HAPLN1: variants seen among roughly 807,000 people sequenced by gnomAD.
HAPLN1 encodes hyaluronan and proteoglycan link protein 1.
Under a neutral mutation model 36.5 loss-of-function variants are expected in HAPLN1, and 13 were observed. That is an observed-to-expected ratio of 0.36 (90% CI 0.23 to 0.57). HAPLN1 has a LOEUF of 0.57. Ranked by LOEUF, HAPLN1 falls within the 20% of genes least tolerant of loss-of-function variation. The pLI is 0.83. For missense variants in HAPLN1, 407 were observed against 439.7 expected (o/e 0.93, Z 0.66); for synonymous variants, 202 against 169.8 (o/e 1.19, Z -1.48).
chr5:83,698,081 A>T (rs992637202), intron 1 of HAPLN1, among the ~76,000 whole-genome samples: 1 of 152,158 alleles, frequency 6.6e-6, no homozygotes, highest in African/African-American at 2.4e-5. Context: ...CTAGGAAACC[A>T]CTGCTTAATC....
In HAPLN1 at chr5:83,640,274, A is replaced by G. The variant is rs1204912384; in HGVS notation, c.*1222T>C. 3 of 152,152 alleles carry G rather than the reference A, an allele frequency of 2.0e-5. No homozygotes were observed. Among genetic ancestry groups the G allele is most frequent in the African/African-American group, 7.2e-5 (3 of 41,444 alleles). The allele number at this position is 152,152 out of a possible 1,614,324, so 9.4% of individuals were successfully genotyped here. On this transcript the variant is annotated 3_prime_UTR_variant, in exon 5 of 5. Transcript: ENST00000274341. ...GGAAGCTGGACTTAACCTTTTATTT[A>G]AAGCCCTGAAGATTTTAGTGTAAAC... is the stretch of plus-strand genomic sequence containing the variant.
At chr5:83,685,849 A>C (rs1193979690) in intron 1 of HAPLN1, 1 of 152,126 alleles carries the variant, frequency 6.6e-6, no homozygotes, top group Non-Finnish European at 1.5e-5. Context: ...CCTCAATCTG[A>C]ACTTGTCAAG....
At chr5:83,684,783 T>G (rs987214811) in intron 1 of HAPLN1, among the ~76,000 whole-genome samples, 4 of 152,132 alleles carry the variant, frequency 2.6e-5, no homozygotes, top group Non-Finnish European at 4.4e-5. Flanking sequence ...CAATCAGGCA[T>G]TCCAACCAGT....
At chr5:83,692,911 G>C (rs1168745029) in intron 1 of HAPLN1, among the ~76,000 whole-genome samples, 1 of 151,854 alleles carries the variant, frequency 6.6e-6, no homozygotes. Flanking sequence ...TACTTTACAT[G>C]AAGTATAGTA....
chr5:83,655,853 T>C (rs1420314719), intron 2 of HAPLN1, among the ~76,000 whole-genome samples: 3 of 151,822 alleles, frequency 2.0e-5, no homozygotes, highest in African/African-American at 7.3e-5. Context: ...CAGGTTGTCG[T>C]CACAGAGACC....
At chr5:83,700,961 C>A (rs1224706874) in intron 1 of HAPLN1, among the ~76,000 whole-genome samples, 4 of 152,164 alleles carry the variant, frequency 2.6e-5, no homozygotes, top group Non-Finnish European at 5.9e-5. Context: ...TAAAAGGAGA[C>A]CTTCCCAGTG....
intron 2 of HAPLN1, among the ~76,000 whole-genome samples, chr5:83,657,223 G>T (rs1045023170): frequency 6.6e-6 from 1 of 151,762 alleles, no homozygotes; most frequent in South Asian, 2.1e-4. Flanking sequence ...AGCCTCCCGA[G>T]TAGCTGGGTT....
At chr5:83,680,652 T>A (rs1158684433) in intron 1 of HAPLN1, among the ~76,000 whole-genome samples, 1 of 152,156 alleles carries the variant, frequency 6.6e-6, no homozygotes, top group African/African-American at 2.4e-5. Flanking sequence ...GAAATAAACG[T>A]CTTATCTTCC....
chr5:83,684,341 C>A (rs1239116717), intron 1 of HAPLN1, among the ~76,000 whole-genome samples: 3 of 152,006 alleles, frequency 2.0e-5, no homozygotes, highest in Non-Finnish European at 2.9e-5. Context: ...AGCAGGTACC[C>A]TCAAGATAGG....
chr5:83,711,780 A>G (rs1751790200), intron 1 of HAPLN1, among the ~76,000 whole-genome samples: 1 of 152,084 alleles, frequency 6.6e-6, no homozygotes, highest in Admixed American at 6.6e-5. Flanking sequence ...AACACATTTT[A>G]TTGTCTTGAT....
At chr5:83,654,659 T>A (rs899971292) in intron 2 of HAPLN1, among the ~76,000 whole-genome samples, 5 of 152,202 alleles carry the variant, frequency 3.3e-5, no homozygotes, top group Admixed American at 1.3e-4. Context: ...TGAAACATAG[T>A]TTAGATATGA....
intron 1 of HAPLN1, among the ~76,000 whole-genome samples, chr5:83,701,620 C>T (rs529407913): frequency 6.6e-6 from 1 of 152,302 alleles, no homozygotes; most frequent in East Asian, 1.9e-4. Flanking sequence ...GACATTTTAA[C>T]AGTTGATTAT....
chr5:83,674,761 T>C (rs1201527445), intron 1 of HAPLN1: 1 of 152,248 alleles, frequency 6.6e-6, no homozygotes, highest in Non-Finnish European at 1.5e-5. Flanking sequence ...TCTGAGTCTG[T>C]TCCTGGAGGT....
chr5:83,663,373 T>C (rs1750465600), intron 2 of HAPLN1, among the ~76,000 whole-genome samples: 1 of 152,214 alleles, frequency 6.6e-6, no homozygotes, highest in South Asian at 2.1e-4. Flanking sequence ...CTCTGGGAAG[T>C]GAATATGTGC....
At chr5:83,654,962 A>G (rs1410267864) in intron 2 of HAPLN1, among the ~76,000 whole-genome samples, 5 of 152,246 alleles carry the variant, frequency 3.3e-5, no homozygotes, top group African/African-American at 9.6e-5. Context: ...TGGCTGACCA[A>G]TACGAGGTGT....
intron 1 of HAPLN1, among the ~76,000 whole-genome samples, chr5:83,710,436 T>C (rs1580166083): frequency 6.6e-6 from 1 of 152,048 alleles, no homozygotes; most frequent in Non-Finnish European, 1.5e-5. Context: ...AAGTAATTGT[T>C]GACCTTGCTG....
At chr5:83,681,143 T>G (rs1177922782) in intron 1 of HAPLN1, among the ~76,000 whole-genome samples, 2 of 152,174 alleles carry the variant, frequency 1.3e-5, no homozygotes, top group East Asian at 3.8e-4. Flanking sequence ...TTTAAAATAT[T>G]TTCTTAATGT....
chr5:83,641,500 T>G lies in HAPLN1; in HGVS notation c.1061A>C (p.Asn354Thr), dbSNP rs371820521. 1.5e-5 allele frequency: 24 copies of G among 1,598,812 alleles called. No homozygotes were observed. Among genetic ancestry groups the G allele is most frequent in the African/African-American group, 5.4e-5 (4 of 74,388 alleles). Residue 354 changes from asparagine (N) to threonine (T), a missense_variant, in exon 5 of 5, where the codon AAC (asparagine) becomes ACC (threonine). Physicochemically the swap from Asn to Thr is moderately conservative, Grantham distance 65. Coordinates refer to ENST00000274341, the MANE Select transcript of HAPLN1 (RefSeq NM_001884.4). Reference sequence around the variant, plus strand: ...TGATGCGCTCTAAGGGCACATTCAGTTGTATGCTCTGAAGCAGTAGACACC... The same window carrying G: ...TGATGCGCTCTAAGGGCACATTCAGGTGTATGCTCTGAAGCAGTAGACACC... Reference protein sequence around the residue: ...LYGVYCFRAYN With the variant: ...LYGVYCFRAYT
At chr5:83,719,475 A>C (rs1015587361) in intron 1 of HAPLN1, among the ~76,000 whole-genome samples, 6 of 152,220 alleles carry the variant, frequency 3.9e-5, no homozygotes, top group Non-Finnish European at 7.3e-5. Flanking sequence ...GAAACAATTA[A>C]ATTTTTTAAA....
Sources: allele counts gnomAD v4.1 joint callset (sites outside exome capture counted in the v4.1 genomes callset), GRCh38; gene constraint gnomAD v4.1.1; transcripts MANE v1.5; gene names NCBI Gene and HGNC (gene_info 2026-07-23, HGNC 2026-07-21).